Variants in TG observed in about 807,000 individuals in gnomAD.
TG encodes the protein thyroid hormones.
Under a neutral mutation model 324.7 loss-of-function variants are expected in TG, and 270 were observed. The observed-to-expected ratio is 0.83, with a 90% CI of 0.75 to 0.92. The LOEUF (loss-of-function observed/expected upper bound fraction) is 0.92, where lower values mean the gene tolerates loss of function less well. TG is among the 40% of genes least tolerant of loss of function. The pLI is 0.00. For missense variants in TG, 3,591 were observed against 3,456.4 expected (o/e 1.04, Z -0.98); for synonymous variants, 1,401 against 1,327.0 (o/e 1.06, Z -1.21).
intron 35 of TG, among the ~76,000 whole-genome samples, chr8:132,988,262 T>C (rs1831849886): frequency 6.6e-6 from 1 of 152,062 alleles, no homozygotes; most frequent in South Asian, 2.1e-4. Context: ...ATGACCAAAC[T>C]GTGACTTGGA....
chr8:132,987,727 T>TG (rs1831746307), intron 35 of TG, among the ~76,000 whole-genome samples: 1 of 151,044 alleles, frequency 6.6e-6, no homozygotes, highest in Admixed American at 6.6e-5. Context: ...GTGTGGTGTG[T>TG]GTGTGTGTGC....
chr8:132,903,769 G>A (rs1363444428), intron 16 of TG, among the ~76,000 whole-genome samples: 1 of 152,150 alleles, frequency 6.6e-6, no homozygotes, highest in African/African-American at 2.4e-5. Context: ...GGCTTGAATG[G>A]CAGCTCCACC....
intron 25 of TG, among the ~76,000 whole-genome samples, chr8:132,940,367 A>G (rs1824270683): frequency 6.6e-6 from 1 of 152,182 alleles, no homozygotes; most frequent in Non-Finnish European, 1.5e-5. Context: ...TGCTCTATAT[A>G]TCTATCCCTG....
intron 35 of TG, among the ~76,000 whole-genome samples, chr8:132,992,128 A>G (rs1488469055): frequency 6.6e-6 from 1 of 152,110 alleles, no homozygotes; most frequent in African/African-American, 2.4e-5. Flanking sequence ...TCATTCAACA[A>G]GCATTTGGTG....
chr8:132,919,674 T>A, intron 21 of TG, 149 bp downstream of exon 21: 3 of 1,083,448 alleles, frequency 2.8e-6, no homozygotes, highest in Non-Finnish European at 4.1e-6. Context: ...TTTAGTAGCA[T>A]TGGTAGCTCT....
intron 37 of TG, among the ~76,000 whole-genome samples, chr8:133,016,505 C>T (rs1195976954): frequency 1.3e-5 from 2 of 152,182 alleles, no homozygotes; most frequent in Non-Finnish European, 2.9e-5. Context: ...AGATGGACTT[C>T]TGTCTGCAGG....
rs72727404 is a variant in TG, at chr8:132,888,543, G to A, written c.2736G>A (p.Arg912=). The A allele has an allele frequency of 6.2e-7, 1 of 1,611,878 alleles. No individual in the cohort carries two copies. The highest frequency in any genetic ancestry group is 8.5e-7 in the Non-Finnish European group (1 of 1,179,530). ...CTGGCCAAGAACTGGAAGGAATGCG[G>A]TCTGAGCCAAGCAAGCTCCCAACAT... ...DEAGQELEGM[R]SEPSKLPTCP... The change falls in exon 10 of 48, where the codon CGG becomes CGA. Residue 912 remains arginine, a synonymous_variant. Coordinates refer to ENST00000220616, the MANE Select transcript of TG (RefSeq NM_003235.5).
chr8:132,879,710 C>T (rs1814375583), intron 5 of TG, among the ~76,000 whole-genome samples: 2 of 152,266 alleles, frequency 1.3e-5, no homozygotes, highest in African/African-American at 2.4e-5. Context: ...GGACCCTCTC[C>T]AGAGCTGAAG....
intron 21 of TG, among the ~76,000 whole-genome samples, chr8:132,923,039 C>T (rs1821327824): frequency 6.6e-6 from 1 of 152,100 alleles, no homozygotes; most frequent in Non-Finnish European, 1.5e-5. Flanking sequence ...GAAGAGGGCC[C>T]AGATGAGTAA....
chr8:132,976,026 T>A (rs750123836), intron 34 of TG, among the ~76,000 whole-genome samples: 17 of 152,184 alleles, frequency 1.1e-4, no homozygotes, highest in Non-Finnish European at 2.4e-4. Context: ...GATATATTCA[T>A]TTTCCTTAGA....
At chr8:132,993,580 G>A (rs1032655361) in intron 35 of TG, among the ~76,000 whole-genome samples, 100 of 152,350 alleles carry the variant, frequency 6.6e-4, no homozygotes, top group African/African-American at 2.3e-3. Context: ...TCCTTTCACA[G>A]GTAATCTTTG....
intron 41 of TG, among the ~76,000 whole-genome samples, chr8:133,082,292 C>A (rs1306285799): frequency 6.6e-6 from 1 of 152,130 alleles, no homozygotes; most frequent in African/African-American, 2.4e-5. Flanking sequence ...CAGTTATTGA[C>A]AGCTAGCTTT....
chr8:133,065,083 C>G (rs139227391), intron 41 of TG, among the ~76,000 whole-genome samples: 1 of 152,272 alleles, frequency 6.6e-6, no homozygotes, highest in Non-Finnish European at 1.5e-5. Context: ...TTCATATAAC[C>G]TTCTTCTAAG....
chr8:132,869,101 G>A (rs1022701275), intron 2 of TG, among the ~76,000 whole-genome samples: 1 of 152,192 alleles, frequency 6.6e-6, no homozygotes, highest in African/African-American at 2.4e-5. Context: ...ACTTTCACCA[G>A]CCTTATTTAT....
At chr8:132,898,045 G>T in intron 12 of TG, 124 bp from the exon 13 acceptor site, 1 of 1,019,346 alleles carries the variant, frequency 9.8e-7, no homozygotes, top group South Asian at 1.4e-5. Context: ...TGGGGGTCTA[G>T]ACTGGGGACA....
intron 35 of TG, among the ~76,000 whole-genome samples, chr8:132,993,581 GT>G (rs1034156074): frequency 6.6e-4 from 100 of 152,306 alleles, no homozygotes; most frequent in African/African-American, 2.3e-3. Flanking sequence ...CCTTTCACAG[GT>G]AATCTTTGTA....
chr8:133,039,442 T>A (rs959630220), intron 41 of TG, among the ~76,000 whole-genome samples: 3 of 152,220 alleles, frequency 2.0e-5, no homozygotes, highest in Non-Finnish European at 2.9e-5. Flanking sequence ...TTTCTTTGAT[T>A]TGCCAATGGG....
At chr8:132,890,039 C>A (rs893808286) in intron 10 of TG, among the ~76,000 whole-genome samples, 14 of 152,094 alleles carry the variant, frequency 9.2e-5, no homozygotes, top group African/African-American at 3.4e-4. Flanking sequence ...GCCACAGCCT[C>A]CCAAAGTGCT....
intron 40 of TG, among the ~76,000 whole-genome samples, chr8:133,024,745 C>A (rs1428241890): frequency 1.3e-5 from 2 of 151,290 alleles, no homozygotes; most frequent in Non-Finnish European, 2.9e-5. Flanking sequence ...CGATCTCATT[C>A]TTTTTTATGG....
Sources: allele counts gnomAD v4.1 joint callset (sites outside exome capture counted in the v4.1 genomes callset), GRCh38; gene constraint gnomAD v4.1.1; transcripts MANE v1.5; gene names NCBI Gene and HGNC (gene_info 2026-07-23, HGNC 2026-07-21).